AFAP1L1: variants seen among roughly 807,000 people sequenced by gnomAD.
AFAP1L1 encodes the protein actin filament associated protein 1 like 1.
AFAP1L1 carries 77 observed loss-of-function variants against 99.8 expected under a neutral mutation model. The ratio of observed to expected loss-of-function variants is 0.77; its 90% confidence interval spans 0.64 to 0.93. The LOEUF is 0.93. Among genes scored for constraint, AFAP1L1 ranks in the 40% least tolerant of loss-of-function variants. The pLI is 0.00. For missense variants in AFAP1L1, 893 were observed against 996.8 expected, an observed-to-expected ratio of 0.90 and a Z score of 1.40; for synonymous variants, 373 against 395.3, an observed-to-expected ratio of 0.94 and a Z score of 0.67.
At chr5:149,283,678 A>G (rs1181150486) in intron 1 of AFAP1L1, among the ~76,000 whole-genome samples, 1 of 152,244 alleles carries the variant, frequency 6.6e-6, no homozygotes, top group Non-Finnish European at 1.5e-5. Flanking sequence ...AGATGGAACC[A>G]GATTTATTCA....
At chr5:149,328,161 T>C (rs1446415582) in intron 15 of AFAP1L1, among the ~76,000 whole-genome samples, 2 of 152,188 alleles carry the variant, frequency 1.3e-5, no homozygotes, top group Non-Finnish European at 2.9e-5. Flanking sequence ...AGGCTTGAAC[T>C]GCAGGTAGTT....
intron 7 of AFAP1L1, 138 bp from the exon 8 acceptor site, chr5:149,309,818 C>A: frequency 9.3e-7 from 1 of 1,072,520 alleles, no homozygotes; most frequent in Non-Finnish European, 1.4e-6. Context: ...CAGCTATCCT[C>A]ACACAGTGCC....
intron 11 of AFAP1L1, 62 bp downstream of exon 11, chr5:149,316,365 G>C (rs1022096445): frequency 2.6e-5 from 40 of 1,563,162 alleles, no homozygotes; most frequent in Non-Finnish European, 3.5e-5. Context: ...TTTGGGGGCT[G>C]AGGCCAGGAG....
At position 149,302,597 on chromosome 5, in the gene AFAP1L1, G is replaced by T. The variant is rs1756264769; in HGVS notation, c.436+71G>T. On this transcript the variant is annotated intron_variant, in intron 5 of 18. Coordinates refer to ENST00000296721, the MANE Select transcript of AFAP1L1 (RefSeq NM_152406.4). ...AGAAGCCAAATTTAAGTTCCTCTGTGTCCTGTGGGAGCTGGAACTGCAAGC... is the reference window on the plus strand; with the variant it reads ...AGAAGCCAAATTTAAGTTCCTCTGTTTCCTGTGGGAGCTGGAACTGCAAGC... 10 of 1,330,132 alleles carry T rather than the reference G, an allele frequency of 7.5e-6. No individual in the cohort carries two copies. The South Asian group carries it at 1.2e-4, about 15-fold the overall frequency. 82.4% of individuals were successfully genotyped at this position (1,330,132 alleles called of 1,614,324 possible).
intron 1 of AFAP1L1, among the ~76,000 whole-genome samples, chr5:149,280,362 C>G (rs1016420678): frequency 2.0e-5 from 3 of 152,192 alleles, no homozygotes; most frequent in Non-Finnish European, 4.4e-5. Context: ...CCCTATTTAT[C>G]TAAAGCAGTG....
Position 149,310,039 on chromosome 5 carries a change from C to T in AFAP1L1, c.831C>T (p.Ser277=), listed in dbSNP as rs747556491. The part of the protein sequence containing the change: ...TCSIIYVPKD[S]RHKRHELRFT... Reference sequence around the variant, plus strand: ...GCATCATCTACGTGCCCAAGGACAGCCGGCACAAGAGGCACGAGCTGCGTT... The same window carrying T: ...GCATCATCTACGTGCCCAAGGACAGTCGGCACAAGAGGCACGAGCTGCGTT... The change falls in exon 8 of 19, where the codon AGC becomes AGT. Residue 277 remains serine (S), a synonymous_variant. Transcript: ENST00000296721. The T allele has an allele frequency of 6.2e-7, 1 of 1,614,228 alleles. No homozygotes were observed. Among genetic ancestry groups the T allele is most frequent in the South Asian group, 1.1e-5 (1 of 91,078 alleles).
chr5:149,332,015 A>C (rs1757271202), intron 16 of AFAP1L1, among the ~76,000 whole-genome samples: 1 of 152,170 alleles, frequency 6.6e-6, no homozygotes, highest in Non-Finnish European at 1.5e-5. Context: ...CTGTCACCAG[A>C]AGATGAGTTG....
chr5:149,318,266 A>G (rs1253254639), intron 12 of AFAP1L1, among the ~76,000 whole-genome samples: 3 of 152,216 alleles, frequency 2.0e-5, no homozygotes, highest in Non-Finnish European at 4.4e-5. Flanking sequence ...AACATTCTGT[A>G]TTTTTATTCA....
In AFAP1L1 at chr5:149,271,935, C is replaced by T; in HGVS notation, c.-34C>T. The T allele has an allele frequency of 8.2e-7, 1 of 1,225,950 alleles. No individual in the cohort carries two copies. The allele number at this position is 1,225,950 out of a possible 1,614,324, so 75.9% of individuals were successfully genotyped here. A position where few individuals can be genotyped will look rare whatever the true frequency, so the allele number is the denominator to read the frequency against. On this transcript the variant is annotated 5_prime_UTR_variant, in exon 1 of 19. Transcript: ENST00000296721. Reference sequence around the variant, plus strand: ...CCAGCCGCGCCGGAGCCCCTGCGCCCTGCGGCCCGCTCCCCGGGGACCGGG... The same window carrying T: ...CCAGCCGCGCCGGAGCCCCTGCGCCTTGCGGCCCGCTCCCCGGGGACCGGG...
At chr5:149,324,839 T>G (rs1450921220) in intron 15 of AFAP1L1, among the ~76,000 whole-genome samples, 1 of 152,216 alleles carries the variant, frequency 6.6e-6, no homozygotes, top group Non-Finnish European at 1.5e-5. Flanking sequence ...ATCCTTGTGA[T>G]GTGACAGCTG....
intron 6 of AFAP1L1, among the ~76,000 whole-genome samples, chr5:149,307,183 G>A (rs1224623952): frequency 6.6e-6 from 1 of 152,016 alleles, no homozygotes; most frequent in Admixed American, 6.6e-5. Flanking sequence ...GGAGGTAGAG[G>A]TTGCAGCGAG....
intron 16 of AFAP1L1, among the ~76,000 whole-genome samples, chr5:149,331,037 G>A (rs1037279908): frequency 5.3e-5 from 8 of 151,776 alleles, no homozygotes; most frequent in East Asian, 1.9e-4. Flanking sequence ...AAAACCCTCC[G>A]GCACAGCCTC....
chr5:149,319,558 C>G (rs938169438), intron 12 of AFAP1L1, 24 bp from the exon 13 acceptor site: 4 of 1,574,604 alleles, frequency 2.5e-6, no homozygotes, highest in Non-Finnish European at 3.5e-6. Flanking sequence ...AAAATGAACT[C>G]CATCTTTGCC....
intron 1 of AFAP1L1, among the ~76,000 whole-genome samples, chr5:149,280,840 A>G (rs1347197316): frequency 6.6e-6 from 1 of 151,756 alleles, no homozygotes; most frequent in East Asian, 1.9e-4. Flanking sequence ...GCCCTCCACC[A>G]TGGACTCCCA....
intron 1 of AFAP1L1, among the ~76,000 whole-genome samples, chr5:149,280,102 G>T (rs1307571975): frequency 6.6e-6 from 1 of 152,222 alleles, no homozygotes; most frequent in African/African-American, 2.4e-5. Context: ...ATAATTCACG[G>T]AGGAGGAGTT....
Position 149,340,087 on chromosome 5 carries a change from A to C in AFAP1L1, c.*57A>C. 6.2e-7 allele frequency: 1 copy of C among 1,606,876 alleles called. No homozygotes were observed. The highest frequency in any genetic ancestry group is 8.5e-7 in the Non-Finnish European group (1 of 1,174,246). On this transcript the variant is annotated 3_prime_UTR_variant, in exon 19 of 19. Transcript: ENST00000296721. ...TACCAGCTTGTCCACCTGAGGAAGA[A>C]ATGCTTTTTTCACAAGGAGACACCA... is the stretch of plus-strand genomic sequence containing the variant.
chr5:149,306,634 G>A (rs1246585834), intron 6 of AFAP1L1, among the ~76,000 whole-genome samples: 5 of 152,238 alleles, frequency 3.3e-5, no homozygotes, highest in Admixed American at 2.6e-4. Context: ...TTTGATAACT[G>A]ATCTTAGGTG....
At chr5:149,305,491 G>A (rs1756377812) in intron 5 of AFAP1L1, among the ~76,000 whole-genome samples, 1 of 152,150 alleles carries the variant, frequency 6.6e-6, no homozygotes, top group East Asian at 1.9e-4. Context: ...TTTTAATGCA[G>A]ATTCCTCAGC....
chr5:149,332,827 G>A lies in AFAP1L1; in HGVS notation c.2108G>A (p.Gly703Glu). The change falls in exon 17 of 19, where the codon GGA becomes GAA. Residue 703 changes from glycine (G) to glutamate (E), a missense_variant. Transcript: ENST00000296721. ...VKERLQQSLA[G>E]GPALGLSVSS... Reference sequence around the variant, plus strand: ...GAGCGCTTGCAGCAGTCCCTGGCAGGAGGGCCAGCCCTGGGGCTCTCCGTG... The same window carrying A: ...GAGCGCTTGCAGCAGTCCCTGGCAGAAGGGCCAGCCCTGGGGCTCTCCGTG... 6.2e-7 allele frequency: 1 copy of A among 1,611,566 alleles called. No individual in the cohort carries two copies. Among genetic ancestry groups the A allele is most frequent in the Non-Finnish European group, 8.5e-7 (1 of 1,179,558 alleles).
Sources: gnomAD v4.1 joint callset for allele counts (sites outside exome capture counted in the v4.1 genomes callset) on GRCh38, gnomAD v4.1.1 for gene constraint, MANE v1.5 for transcripts, NCBI Gene and HGNC (gene_info 2026-07-23, HGNC 2026-07-21) for gene names.